TRAK1: variants seen among roughly 807,000 people sequenced by gnomAD.
TRAK1 encodes the protein trafficking kinesin protein 1.
Under a neutral mutation model 92.1 loss-of-function variants are expected in TRAK1, and 33 were observed. The ratio of observed to expected loss-of-function variants is 0.36; its 90% CI spans 0.27 to 0.48. The LOEUF (loss-of-function observed/expected upper bound fraction) is 0.48. Ranked by LOEUF, TRAK1 falls within the 20% of genes least tolerant of loss-of-function variation. The probability of loss-of-function intolerance (pLI) is 0.99; values close to 1 mark genes in which losing one functional copy is unlikely to be tolerated. For synonymous variants in TRAK1, 521 were observed against 517.3 expected (o/e 1.01, Z -0.10); for missense variants, 1,123 against 1,257.9 (o/e 0.89, Z 1.62).
intron 1 of TRAK1, among the ~76,000 whole-genome samples, chr3:42,055,798 CA>C (rs763982587): frequency 6.6e-6 from 1 of 152,184 alleles, no homozygotes; most frequent in Non-Finnish European, 1.5e-5. Flanking sequence ...TCTTCACCCG[CA>C]AAAGAAACCC....
intron 11 of TRAK1, 48 bp downstream of exon 11, chr3:42,199,301 G>T: frequency 6.3e-7 from 1 of 1,592,950 alleles, no homozygotes; most frequent in South Asian, 1.1e-5. Context: ...GACCAACTTG[G>T]ACCAGTGCAG....
At chr3:42,182,032 T>TGCTCAGGAGATCCTCCTGC (rs1165118151) in intron 3 of TRAK1, among the ~76,000 whole-genome samples, 1 of 150,764 alleles carries the variant, frequency 6.6e-6, no homozygotes, top group African/African-American at 2.4e-5. Flanking sequence ...TGAACTCCTG[T>TGCTCAGGAGATCCTCCTGC]GCTCAGGAGA....
At chr3:42,071,258 A>G (rs565334270) in intron 1 of TRAK1, among the ~76,000 whole-genome samples, 1 of 152,336 alleles carries the variant, frequency 6.6e-6, no homozygotes, top group Admixed American at 6.5e-5. Flanking sequence ...CCCATGTCCC[A>G]TATTCCCGGA....
chr3:42,155,597 A>G (rs1156860077), intron 2 of TRAK1, among the ~76,000 whole-genome samples: 1 of 152,180 alleles, frequency 6.6e-6, no homozygotes, highest in Non-Finnish European at 1.5e-5. Context: ...GGGGAGATGC[A>G]GGATGTGGAA....
intron 2 of TRAK1, chr3:42,151,380 C>A: frequency 2.2e-6 from 1 of 456,642 alleles, no homozygotes; most frequent in South Asian, 1.5e-5. Context: ...CCTGATCTGT[C>A]TTCCTCTAAG....
chr3:42,031,023 A>C lies in TRAK1; in HGVS notation c.-519+16906A>C, dbSNP rs527277322. On this transcript the variant is annotated intron_variant, in intron 1 of 16. Coordinates refer to the TRAK1 transcript ENST00000487159. ...CACAGTGTCAGTGACACTTAACCTC[A>C]GCTATTTGAATTTTTTTTTTTTTTT... Among the ~76,000 whole-genome samples the C allele has an allele frequency of 2.3e-3, 321 of 138,900 alleles. 2 individuals carry two copies. Among genetic ancestry groups the C allele is most frequent in the African/African-American group, 7.9e-3 (305 of 38,788 alleles). The allele number at this position is 138,900 out of a possible 152,430, so 91.1% of individuals were successfully genotyped here. A position where few individuals can be genotyped will look rare whatever the true frequency, so the allele number is the denominator to read the frequency against.
intron 1 of TRAK1, among the ~76,000 whole-genome samples, chr3:42,026,046 C>T (rs564552684): frequency 6.6e-6 from 1 of 151,996 alleles, no homozygotes; most frequent in Non-Finnish European, 1.5e-5. Flanking sequence ...TTATCTTTCT[C>T]CCTCTGTCTC....
intron 1 of TRAK1, among the ~76,000 whole-genome samples, chr3:42,056,700 G>T (rs747616716): frequency 1.3e-5 from 2 of 151,998 alleles, no homozygotes; most frequent in Non-Finnish European, 2.9e-5. Flanking sequence ...TTTTAATATT[G>T]TCCCAAGTGC....
At chr3:42,112,941 AT>A (rs926846369) in intron 1 of TRAK1, among the ~76,000 whole-genome samples, 3 of 148,278 alleles carry the variant, frequency 2.0e-5, no homozygotes, top group Admixed American at 1.3e-4. Context: ...TGGATTTTTA[AT>A]TTTTTTTTTG....
At chr3:42,041,172 G>GAGTT (rs1346716498) in intron 1 of TRAK1, among the ~76,000 whole-genome samples, 1 of 150,336 alleles carries the variant, frequency 6.7e-6, no homozygotes, top group Non-Finnish European at 1.5e-5. Context: ...ATTTTGGTAG[G>GAGTT]AGTTGCATTG....
At chr3:42,100,001 G>A (rs1706515939) in intron 1 of TRAK1, among the ~76,000 whole-genome samples, 1 of 152,118 alleles carries the variant, frequency 6.6e-6, no homozygotes, top group African/African-American at 2.4e-5. Context: ...AGATGCACTA[G>A]CAACAGGAGA....
chr3:42,026,016 G>T (rs986492813), intron 1 of TRAK1, among the ~76,000 whole-genome samples: 1 of 151,282 alleles, frequency 6.6e-6, no homozygotes, highest in African/African-American at 2.4e-5. Context: ...TCTGCTGTTT[G>T]TTCTTTCTTC....
intron 1 of TRAK1, among the ~76,000 whole-genome samples, chr3:42,095,523 G>A (rs891657023): frequency 2.0e-5 from 3 of 152,258 alleles, no homozygotes; most frequent in African/African-American, 7.2e-5. Flanking sequence ...CATCAGTGCA[G>A]TTTAATGGGT....
At chr3:42,023,477 T>TA (rs1701801113) in intron 1 of TRAK1, among the ~76,000 whole-genome samples, 1 of 152,138 alleles carries the variant, frequency 6.6e-6, no homozygotes, top group Non-Finnish European at 1.5e-5. Flanking sequence ...TCCTAGACCT[T>TA]ATCTTACCTC....
rs1396111237 is a variant in TRAK1 at position 42,203,058 on chromosome 3, T to G, written c.1744+306T>G. 5 of 1,239,070 alleles carry G rather than the reference T, an allele frequency of 4.0e-6. No homozygotes were observed. The East Asian group carries it at 1.6e-4, about 39-fold the overall frequency. 76.8% of individuals were successfully genotyped at this position (1,239,070 alleles called of 1,614,324 possible). A position where few individuals can be genotyped will look rare whatever the true frequency, so the allele number is the denominator to read the frequency against. ...TTAGAACCTTAGAAATAAAAACTTT[T>G]GTGGCGGTAGAGGCACTGCTAACTG... On this transcript the variant is annotated intron_variant, in intron 13 of 15. Transcript: ENST00000327628.
chr3:42,196,736 TG>T (rs1706713306), intron 10 of TRAK1, among the ~76,000 whole-genome samples: 1 of 150,016 alleles, frequency 6.7e-6, no homozygotes, highest in Non-Finnish European at 1.5e-5. Flanking sequence ...TTAGTAGAGA[TG>T]GGGTTTCACC....
chr3:42,049,108 T>G (rs1702879885), intron 1 of TRAK1, among the ~76,000 whole-genome samples: 1 of 152,228 alleles, frequency 6.6e-6, no homozygotes, highest in East Asian at 1.9e-4. Flanking sequence ...AGGCTGGTCT[T>G]GAACTCCTGG....
At chr3:42,211,954 G>A (rs1377830416) in intron 14 of TRAK1, 1 of 985,346 alleles carries the variant, frequency 1.0e-6, no homozygotes, top group African/African-American at 1.7e-5. Flanking sequence ...ATTTAGGAAG[G>A]GTCTGATCAT....
chr3:42,219,774 T>G (rs975064252), intron 15 of TRAK1, among the ~76,000 whole-genome samples, 178 bp downstream of exon 15: 9 of 149,252 alleles, frequency 6.0e-5, no homozygotes, highest in African/African-American at 2.3e-4. Context: ...CTTCCTTTTG[T>G]TGTTGTTATG....
Sources: allele counts gnomAD v4.1 joint callset (sites outside exome capture counted in the v4.1 genomes callset), GRCh38; gene constraint gnomAD v4.1.1; transcripts MANE v1.5; gene names NCBI Gene and HGNC (gene_info 2026-07-23, HGNC 2026-07-21).